The following RALGAPA2 variants were observed in gnomAD, a reference collection of about 807,000 sequenced individuals.
RALGAPA2 encodes the protein ral GTPase-activating protein subunit alpha-2.
A neutral mutation model predicts 230.4 loss-of-function variants in RALGAPA2; 139 were observed. That is an observed-to-expected ratio of 0.60 (90% confidence interval 0.53 to 0.69). The LOEUF (loss-of-function observed/expected upper bound fraction) is 0.69, where lower values mean the gene tolerates loss of function less well. Ranked by LOEUF, RALGAPA2 falls within the 30% of genes least tolerant of loss-of-function variation. RALGAPA2 has a pLI of 0.00. For missense variants in RALGAPA2, 2,163 were observed against 2,276.0 expected, an observed-to-expected ratio of 0.95 and a Z score of 1.01; for synonymous variants, 847 against 837.8, an observed-to-expected ratio of 1.01 and a Z score of -0.19.
At chr20:20,647,731 T>C (rs907811567) in intron 4 of RALGAPA2, among the ~76,000 whole-genome samples, 5 of 152,234 alleles carry the variant, frequency 3.3e-5, no homozygotes, top group African/African-American at 7.2e-5. Flanking sequence ...TTTTTTTTAA[T>C]GGGCAATAGA....
At chr20:20,644,534 C>G (rs553517003) in intron 4 of RALGAPA2, among the ~76,000 whole-genome samples, 4 of 152,122 alleles carry the variant, frequency 2.6e-5, no homozygotes, top group African/African-American at 9.7e-5. Context: ...ACTGGCAATC[C>G]GAAGGAACCT....
At chr20:20,691,443 G>A (rs1449997048) in intron 1 of RALGAPA2, among the ~76,000 whole-genome samples, 3 of 152,034 alleles carry the variant, frequency 2.0e-5, no homozygotes, top group Non-Finnish European at 4.4e-5. Flanking sequence ...GGCCATGTAC[G>A]GGATACAAAG....
chr20:20,650,016 G>A (rs376959032), intron 4 of RALGAPA2, among the ~76,000 whole-genome samples: 14 of 152,196 alleles, frequency 9.2e-5, no homozygotes, highest in East Asian at 3.9e-4. Context: ...ACAAATAGTT[G>A]AGTTGTATAT....
At position 20,712,027 on chromosome 20, in the gene RALGAPA2, A is replaced by T. The variant is rs2069894710; in HGVS notation, c.106+348T>A. Among the ~76,000 whole-genome samples, 1 of 152,172 alleles carries T rather than the reference A, an allele frequency of 6.6e-6. No homozygotes were observed. The highest frequency in any genetic ancestry group is 1.5e-5 in the Non-Finnish European group (1 of 68,020). On this transcript the variant is annotated intron_variant, in intron 1 of 39. Coordinates refer to ENST00000202677, the MANE Select transcript of RALGAPA2 (RefSeq NM_020343.4). The surrounding 1 kb of genome is among the most constrained non-coding windows in gnomAD (Gnocchi z 5.5). ...TTTAAAAATGAAAGGGGGAGGTGACAGTTCAATGTGTGCACGTGATGACCA... is the reference window on the plus strand; with the variant it reads ...TTTAAAAATGAAAGGGGGAGGTGACTGTTCAATGTGTGCACGTGATGACCA...
intron 10 of RALGAPA2, among the ~76,000 whole-genome samples, chr20:20,624,147 C>A (rs1381076571): frequency 6.6e-6 from 1 of 151,954 alleles, no homozygotes; most frequent in South Asian, 2.1e-4. Flanking sequence ...GCCAACATGG[C>A]GAAACCCCGT....
At chr20:20,642,763 G>T (rs1303170702) in intron 5 of RALGAPA2, among the ~76,000 whole-genome samples, 1 of 152,026 alleles carries the variant, frequency 6.6e-6, no homozygotes, top group African/African-American at 2.4e-5. Context: ...TTTTCAACAT[G>T]TAAGAAATAG....
intron 36 of RALGAPA2, among the ~76,000 whole-genome samples, chr20:20,479,038 T>G (rs1001800704): frequency 2.0e-5 from 3 of 151,898 alleles, no homozygotes; most frequent in East Asian, 3.9e-4. Flanking sequence ...AAAGTTTAGA[T>G]GAAATGGCCA....
chr20:20,582,613 G>T (rs2065020975), intron 20 of RALGAPA2, among the ~76,000 whole-genome samples: 1 of 152,240 alleles, frequency 6.6e-6, no homozygotes, highest in South Asian at 2.1e-4. Context: ...GGAGGGACTT[G>T]AGAAGGACCT....
chr20:20,546,580 C>T (rs2063779406), intron 24 of RALGAPA2, 124 bp downstream of exon 24: 4 of 1,263,236 alleles, frequency 3.2e-6, no homozygotes, highest in Non-Finnish European at 4.1e-6. Flanking sequence ...AGGGTATCTA[C>T]CCTGAGAGCC....
At chr20:20,688,702 G>T (rs965609790) in intron 1 of RALGAPA2, among the ~76,000 whole-genome samples, 1 of 152,194 alleles carries the variant, frequency 6.6e-6, no homozygotes, top group Admixed American at 6.5e-5. Context: ...TTCAGCCAAA[G>T]CACAGGTATT....
In RALGAPA2 at chr20:20,536,793, A is replaced by G. The variant is rs1237907547; in HGVS notation, c.3286-9T>C. On this transcript the variant is annotated splice_polypyrimidine_tract_variant and intron_variant, in intron 24 of 39. Transcript: ENST00000202677. ...GCCTCTGAACGAGGCGCCTGCACAT[A>G]AGGAAGAGGAGCACACACATTTCTC... is the stretch of plus-strand genomic sequence containing the variant. The G allele has an allele frequency of 1.2e-6, 2 of 1,609,336 alleles. No individual in the cohort carries two copies. Among genetic ancestry groups the G allele is most frequent in the South Asian group, 1.1e-5 (1 of 90,664 alleles).
In RALGAPA2 at chr20:20,531,806, A is replaced by T; in HGVS notation, c.3474-11T>A. 2 of 1,560,542 alleles carry T rather than the reference A, an allele frequency of 1.3e-6. No individual in the cohort carries two copies. Among genetic ancestry groups the T allele is most frequent in the Non-Finnish European group, 1.7e-6 (2 of 1,146,564 alleles). On this transcript the variant is annotated splice_polypyrimidine_tract_variant and intron_variant, in intron 26 of 39. Transcript: ENST00000202677. ...CAAACAGCAATGCATCTTTTTAAAA[A>T]GAAGAAAACAGAGGAAAACTCTCAT...
At chr20:20,701,444 T>A (rs1200324733) in intron 1 of RALGAPA2, among the ~76,000 whole-genome samples, 1 of 152,158 alleles carries the variant, frequency 6.6e-6, no homozygotes, top group African/African-American at 2.4e-5. Flanking sequence ...TGAACACAAA[T>A]AAACATGGTG....
At chr20:20,538,268 G>A (rs1419669361) in intron 24 of RALGAPA2, among the ~76,000 whole-genome samples, 1 of 152,176 alleles carries the variant, frequency 6.6e-6, no homozygotes, top group Non-Finnish European at 1.5e-5. Context: ...GATGAGGCAA[G>A]GATTGGTTCT....
At chr20:20,516,361 A>G (rs985140670) in intron 31 of RALGAPA2, among the ~76,000 whole-genome samples, 1 of 152,144 alleles carries the variant, frequency 6.6e-6, no homozygotes, top group Non-Finnish European at 1.5e-5. Context: ...CTCAAATCCC[A>G]CAGCTAGTAC....
At chr20:20,450,678 C>T (rs1181067962) in intron 37 of RALGAPA2, among the ~76,000 whole-genome samples, 1 of 152,208 alleles carries the variant, frequency 6.6e-6, no homozygotes, top group African/African-American at 2.4e-5. Context: ...TTAACACAGT[C>T]CCATTCTGCA....
chr20:20,572,078 T>A, intron 21 of RALGAPA2, 132 bp from the exon 22 acceptor site: 1 of 636,056 alleles, frequency 1.6e-6, no homozygotes, highest in Non-Finnish European at 2.7e-6. Context: ...TATTTACAAG[T>A]TTCTCTTTTA....
chr20:20,548,586 C>T (rs1163079477), intron 23 of RALGAPA2, among the ~76,000 whole-genome samples: 1 of 152,030 alleles, frequency 6.6e-6, no homozygotes, highest in Non-Finnish European at 1.5e-5. Flanking sequence ...AAACATGAAC[C>T]ATGCTTCTTC....
intron 26 of RALGAPA2, among the ~76,000 whole-genome samples, chr20:20,533,929 G>T (rs1157461460): frequency 6.6e-6 from 1 of 152,022 alleles, no homozygotes; most frequent in African/African-American, 2.4e-5. Flanking sequence ...AACCTTAAAG[G>T]TAAGATTGTA....
Sources: gnomAD v4.1 joint callset for allele counts (sites outside exome capture counted in the v4.1 genomes callset) on GRCh38, gnomAD v4.1.1 for gene constraint, Gnocchi (gnomAD v3.1) non-coding constraint, MANE v1.5 for transcripts, NCBI Gene and HGNC (gene_info 2026-07-23, HGNC 2026-07-21) for gene names.